Variants in STS observed in about 807,000 individuals in gnomAD.
STS encodes steroid sulfatase.
In STS, 7 loss-of-function variants were observed where a neutral mutation model predicts 26.8. The observed-to-expected ratio is 0.26, with a 90% CI of 0.15 to 0.49. The LOEUF (loss-of-function observed/expected upper bound fraction) is 0.49, where lower values mean the gene tolerates loss of function less well. Ranked by LOEUF, STS falls within the 20% of genes least tolerant of loss-of-function variation. STS has a pLI of 0.98. For synonymous variants in STS, 199 were observed against 189.4 expected (o/e 1.05, Z -0.42); for missense variants, 434 against 465.6 (o/e 0.93, Z 0.63).
intron 2 of STS, among the ~76,000 whole-genome samples, chrX:7,209,406 G>A (rs905516178): frequency 1.9e-5 from 2 of 102,968 alleles, no homozygotes; most frequent in African/African-American, 7.0e-5. Context: ...TGTATTTATA[G>A]AAATATATAT....
intron 1 of STS, among the ~76,000 whole-genome samples, chrX:7,149,734 T>C (rs1268668210): frequency 1.8e-5 from 2 of 111,892 alleles, no homozygotes; most frequent in Non-Finnish European, 3.8e-5. Flanking sequence ...TAATTCCTTC[T>C]GAGGGCTGTG....
intron 1 of STS, among the ~76,000 whole-genome samples, chrX:7,160,211 G>A (rs1246699926): frequency 8.9e-6 from 1 of 112,462 alleles, no homozygotes; most frequent in East Asian, 2.8e-4. Context: ...TCCTGGAATA[G>A]CCCAAGAGCA....
intron 7 of STS, among the ~76,000 whole-genome samples, chrX:7,289,853 C>A (rs149769981): frequency 0.041 from 4,588 of 111,085 alleles, 226 homozygotes; most frequent in African/African-American, 0.14. Context: ...CAGGGTTTTA[C>A]TATGTTGCCC....
intron 10 of STS, among the ~76,000 whole-genome samples, chrX:7,337,211 A>G (rs778417392): frequency 1.5e-4 from 17 of 111,753 alleles, no homozygotes; most frequent in Admixed American, 2.9e-4. Context: ...GTCATTTTGT[A>G]TTTTATGTGT....
At chrX:7,202,342 G>A (rs1170080623) in intron 2 of STS, among the ~76,000 whole-genome samples, 1 of 110,912 alleles carries the variant, frequency 9.0e-6, no homozygotes, top group Non-Finnish European at 1.9e-5. Flanking sequence ...TTCTCAACAT[G>A]GAAACCACAA....
intron 2 of STS, among the ~76,000 whole-genome samples, chrX:7,208,213 C>G (rs1483458087): frequency 8.9e-6 from 1 of 112,156 alleles, no homozygotes; most frequent in East Asian, 2.8e-4. Flanking sequence ...TATTCTTCAA[C>G]CCTTTATACT....
At chrX:7,254,137 A>G (rs1438607777) in intron 3 of STS, among the ~76,000 whole-genome samples, 2 of 111,894 alleles carry the variant, frequency 1.8e-5, no homozygotes, top group African/African-American at 3.3e-5. Context: ...TCAACATCTG[A>G]ATCTGGGGGG....
intron 1 of STS, among the ~76,000 whole-genome samples, chrX:7,148,695 C>T (rs7887393): frequency 0.024 from 2,731 of 112,029 alleles, 50 homozygotes; most frequent in African/African-American, 0.054. Context: ...CGGTCCTGGA[C>T]CGCGACTTGA....
At chrX:7,288,746 C>G (rs1042931645) in intron 7 of STS, among the ~76,000 whole-genome samples, 2 of 108,304 alleles carry the variant, frequency 1.8e-5, no homozygotes, top group Non-Finnish European at 3.8e-5. Flanking sequence ...GATCAGTACT[C>G]TTGGCTGGTG....
At chrX:7,225,123 C>G (rs1041748280) in intron 2 of STS, among the ~76,000 whole-genome samples, 1 of 112,133 alleles carries the variant, frequency 8.9e-6, no homozygotes, top group African/African-American at 3.2e-5. Context: ...TGTTCATACC[C>G]TCTGGTTAAT....
At chrX:7,151,810 C>A (rs1933017662) in intron 1 of STS, among the ~76,000 whole-genome samples, 1 of 111,557 alleles carries the variant, frequency 9.0e-6, no homozygotes. Flanking sequence ...AGAATCCCAG[C>A]TGCCACCCCC....
chrX:7,181,742 G>A (rs1933684787), intron 1 of STS, among the ~76,000 whole-genome samples: 2 of 111,954 alleles, frequency 1.8e-5, no homozygotes, highest in African/African-American at 6.5e-5. Context: ...AAGCTTCTTT[G>A]TTCTATGGGT....
intron 2 of STS, among the ~76,000 whole-genome samples, chrX:7,211,262 A>C (rs1216064454): frequency 4.5e-5 from 5 of 111,954 alleles, no homozygotes; most frequent in African/African-American, 1.6e-4. Context: ...GAGTCCAAGC[A>C]AGGACAGACT....
chrX:7,210,897 A>G (rs1921010112), intron 2 of STS, among the ~76,000 whole-genome samples: 1 of 110,937 alleles, frequency 9.0e-6, no homozygotes, highest in South Asian at 3.7e-4. Flanking sequence ...ATACAACATG[A>G]CATTTTGTTT....
At chrX:7,325,128 C>G (rs902513456) in intron 8 of STS, among the ~76,000 whole-genome samples, 1 of 111,932 alleles carries the variant, frequency 8.9e-6, no homozygotes, top group Non-Finnish European at 1.9e-5. Context: ...CCATACAGTG[C>G]TGACCATGTC....
rs746748224 is a variant in STS at position 7,286,392 on chromosome X, G to A, written c.943+10305G>A. On this transcript the variant is annotated intron_variant, in intron 7 of 10. Transcript: ENST00000674429. The stretch of plus-strand genomic sequence containing the variant: ...CAGATGAAATATGACCTCTGATCGT[G>A]TCATTGCACACCCGTATTGCTGAGA... 1.1e-3 allele frequency among the ~76,000 whole-genome samples: 125 copies of A among 111,350 alleles called. 1 individual carries two copies. The highest frequency in any genetic ancestry group is 1.8e-3 in the Admixed American group (19 of 10,385).
chrX:7,326,341 G>A (rs1462369280), intron 9 of STS, among the ~76,000 whole-genome samples: 6 of 111,594 alleles, frequency 5.4e-5, no homozygotes, highest in Admixed American at 9.5e-5. Context: ...GAATGTGGAC[G>A]GGTGGTGTTT....
At chrX:7,212,435 G>A (rs1175123992) in intron 2 of STS, among the ~76,000 whole-genome samples, 1 of 111,473 alleles carries the variant, frequency 9.0e-6, no homozygotes, top group Non-Finnish European at 1.9e-5. Flanking sequence ...TTTTGCCACT[G>A]CACTCCAGCC....
intron 8 of STS, among the ~76,000 whole-genome samples, chrX:7,321,773 TCAACTC>T (rs771941667): frequency 1.8e-5 from 2 of 112,323 alleles, no homozygotes; most frequent in Non-Finnish European, 3.8e-5. Flanking sequence ...TAGCTGAACT[TCAACTC>T]CACTCCCTTT....
Sources: allele counts gnomAD v4.1 joint callset (sites outside exome capture counted in the v4.1 genomes callset), GRCh38; gene constraint gnomAD v4.1.1; transcripts MANE v1.5; gene names NCBI Gene and HGNC (gene_info 2026-07-23, HGNC 2026-07-21).